Variants in TRIM29 observed in about 807,000 individuals in gnomAD.
TRIM29 encodes tripartite motif-containing protein 29.
In TRIM29, 52 loss-of-function variants were observed where a neutral mutation model predicts 57.3. That is an observed-to-expected ratio of 0.91 (90% confidence interval 0.73 to 1.14). The LOEUF (loss-of-function observed/expected upper bound fraction) is 1.14, where lower values mean the gene tolerates loss of function less well. TRIM29 is among the 50% of genes most tolerant of loss of function. The probability of loss-of-function intolerance (pLI) is 0.00; values close to 1 mark genes in which losing one functional copy is unlikely to be tolerated. For synonymous variants in TRIM29, 319 were observed against 316.9 expected (o/e 1.01, Z -0.07); for missense variants, 753 against 774.6 (o/e 0.97, Z 0.33).
intron 5 of TRIM29, chr11:120,121,771 C>T (rs1319330812): frequency 3.4e-6 from 1 of 296,326 alleles, no homozygotes; most frequent in African/African-American, 2.2e-5. Context: ...CCCTCAGTCT[C>T]CTACAGAGCA....
chr11:120,112,782 G>A (rs759471651), intron 8 of TRIM29, among the ~76,000 whole-genome samples: 1 of 152,148 alleles, frequency 6.6e-6, no homozygotes, highest in South Asian at 2.1e-4. Flanking sequence ...TTCCTCCAGC[G>A]CCACCACAGC....
chr11:120,115,574 C>G lies in TRIM29; in HGVS notation c.1628-160G>C. ...AACACGCGTGCAGCAGCCAGGGTGC[C>G]GCAACCGAAAATCCTGGGGAGGCTG... is the stretch of plus-strand genomic sequence containing the variant. On this transcript the variant is annotated intron_variant, in intron 7 of 8. Transcript: ENST00000341846. 6 of 638,462 alleles carry G rather than the reference C, an allele frequency of 9.4e-6. No homozygotes were observed. In the South Asian group the frequency reaches 9.9e-5, roughly 11 times the overall value. The allele number at this position is 638,462 out of a possible 1,614,324, so 39.5% of individuals were successfully genotyped here. A position where few individuals can be genotyped will look rare whatever the true frequency, so the allele number is the denominator to read the frequency against.
intron 5 of TRIM29, 105 bp from the exon 6 acceptor site, chr11:120,120,770 C>G (rs759280617): frequency 1.2e-5 from 11 of 910,416 alleles, no homozygotes; most frequent in Non-Finnish European, 1.8e-5. Context: ...TGGATTCCAC[C>G]ACTGAGAGAA....
At chr11:120,123,892 C>A (rs952094874) in intron 4 of TRIM29, 3 of 215,580 alleles carry the variant, frequency 1.4e-5, no homozygotes, top group Non-Finnish European at 2.8e-5. Context: ...CCCACAGAGT[C>A]CAGGATGAAG....
In TRIM29 at chr11:120,122,942, G is replaced by T. The variant is rs768221470; in HGVS notation, c.1435+12C>A. Reference sequence around the variant, plus strand: ...AGAGACACTAGGTCTGGGGTGAGGGGCTCCCTCTTACCTTTGGGTGTCAGG... The same window carrying T: ...AGAGACACTAGGTCTGGGGTGAGGGTCTCCCTCTTACCTTTGGGTGTCAGG... On this transcript the variant is annotated intron_variant, in intron 5 of 8. Transcript: ENST00000341846. 1 of 1,611,280 alleles carries T rather than the reference G, an allele frequency of 6.2e-7. No individual in the cohort carries two copies. The highest frequency in any genetic ancestry group is 1.7e-5 in the Admixed American group (1 of 59,990).
intron 8 of TRIM29, chr11:120,113,455 T>C (rs975825461): frequency 1.5e-5 from 5 of 332,698 alleles, no homozygotes; most frequent in Non-Finnish European, 3.0e-5. Context: ...GATTTGTCCC[T>C]GAGCTGGGTC....
intron 1 of TRIM29, chr11:120,129,048 A>G (rs1863664605): frequency 1.8e-6 from 1 of 569,586 alleles, no homozygotes; most frequent in South Asian, 2.2e-5. Context: ...AAGGGAAGGC[A>G]TTCTGCAGTT....
intron 1 of TRIM29, among the ~76,000 whole-genome samples, chr11:120,134,020 C>T (rs1863769268): frequency 6.6e-6 from 1 of 151,988 alleles, no homozygotes; most frequent in Admixed American, 6.5e-5. Flanking sequence ...TTGAGATAGG[C>T]AGAAGGAAGG....
chr11:120,136,566 C>T (rs1018974507), intron 1 of TRIM29, among the ~76,000 whole-genome samples: 2 of 152,104 alleles, frequency 1.3e-5, no homozygotes, highest in Non-Finnish European at 2.9e-5. Flanking sequence ...AACACAGGGC[C>T]CAGCTGGGAG....
chr11:120,127,713 T>C (rs1863624828), intron 2 of TRIM29, 144 bp from the exon 3 acceptor site: 1 of 734,786 alleles, frequency 1.4e-6, no homozygotes, highest in Non-Finnish European at 2.2e-6. Context: ...TGGCCAAGAA[T>C]CTCATTCAAA....
intron 4 of TRIM29, chr11:120,123,276 T>A (rs955095579): frequency 1.2e-5 from 8 of 687,542 alleles, no homozygotes; most frequent in Admixed American, 2.0e-5. Flanking sequence ...CCATCCACCC[T>A]CTTGAACTAA....
chr11:120,120,121 A>G (rs1445562502), intron 6 of TRIM29, among the ~76,000 whole-genome samples: 2 of 152,040 alleles, frequency 1.3e-5, no homozygotes, highest in Non-Finnish European at 2.9e-5. Context: ...TCACTGCAGA[A>G]GTACTCAAAT....
At chr11:120,115,265 T>C (rs1300325447) in intron 8 of TRIM29, 73 bp downstream of exon 8, 41 of 1,460,134 alleles carry the variant, frequency 2.8e-5, no homozygotes, top group Non-Finnish European at 3.7e-5. Context: ...TGGAACCGAT[T>C]GCCTCCAGGG....
chr11:120,135,292 C>T (rs545775529), intron 1 of TRIM29, among the ~76,000 whole-genome samples: 2 of 152,276 alleles, frequency 1.3e-5, no homozygotes, highest in African/African-American at 4.8e-5. Flanking sequence ...CACTTCTTTA[C>T]CCCCTCCTCA....
At chr11:120,120,547 C>A in intron 6 of TRIM29, 26 bp downstream of exon 6, 1 of 1,603,520 alleles carries the variant, frequency 6.2e-7, no homozygotes, top group Non-Finnish European at 8.5e-7. Context: ...GAACTCTGTG[C>A]ACCCTTGAGC....
intron 1 of TRIM29, among the ~76,000 whole-genome samples, chr11:120,133,348 GTC>G (rs1863754017): frequency 6.6e-6 from 1 of 152,196 alleles, no homozygotes; most frequent in South Asian, 2.1e-4. Context: ...ACTTGTGTAA[GTC>G]TCTTGACGAC....
rs373386309 is a variant in TRIM29 at position 120,128,629 on chromosome 11, A to G, written c.805-134T>C. 3.6e-5 allele frequency: 55 copies of G among 1,523,338 alleles called. No individual in the cohort carries two copies. In the African/African-American group the frequency reaches 5.6e-4, roughly 16 times the overall value. 94.4% of individuals were successfully genotyped at this position (1,523,338 alleles called of 1,614,324 possible). Reference sequence around the variant, plus strand: ...CACTCATCTATTCAGCTCTTCATTCAGCAAACATTCATCAGGACCTCGGAT... The same window carrying G: ...CACTCATCTATTCAGCTCTTCATTCGGCAAACATTCATCAGGACCTCGGAT... On this transcript the variant is annotated intron_variant, in intron 1 of 8. Transcript: ENST00000341846.
intron 1 of TRIM29, among the ~76,000 whole-genome samples, chr11:120,134,509 C>T (rs962786012): frequency 6.6e-6 from 1 of 152,242 alleles, no homozygotes; most frequent in African/African-American, 2.4e-5. Context: ...ACTAACCCTG[C>T]TCTGTGCCAA....
At chr11:120,122,505 TC>T (rs1201390026) in intron 5 of TRIM29, among the ~76,000 whole-genome samples, 1 of 152,030 alleles carries the variant, frequency 6.6e-6, no homozygotes, top group Non-Finnish European at 1.5e-5. Flanking sequence ...GGGACCACTC[TC>T]CCTGCCTAGG....
Sources: allele counts gnomAD v4.1 joint callset (sites outside exome capture counted in the v4.1 genomes callset), GRCh38; gene constraint gnomAD v4.1.1; transcripts MANE v1.5; gene names NCBI Gene and HGNC (gene_info 2026-07-23, HGNC 2026-07-21).